CERT1: variants seen among roughly 807,000 people sequenced by gnomAD.
CERT1 encodes ceramide transfer protein.
Under a neutral mutation model 87.9 loss-of-function variants are expected in CERT1, and 31 were observed. That is an observed-to-expected ratio of 0.35 (90% CI 0.27 to 0.48). The LOEUF (loss-of-function observed/expected upper bound fraction) is 0.48. Ranked by LOEUF, CERT1 falls within the 20% of genes least tolerant of loss-of-function variation. The pLI, the probability that CERT1 is intolerant of heterozygous loss-of-function variation, is 0.99. For synonymous variants in CERT1, 289 were observed against 250.9 expected (o/e 1.15, Z -1.44); for missense variants, 487 against 758.0 (o/e 0.64, Z 4.20).
At chr5:75,493,390 A>C (rs537404689) in intron 2 of CERT1, among the ~76,000 whole-genome samples, 1 of 152,342 alleles carries the variant, frequency 6.6e-6, no homozygotes, top group African/African-American at 2.4e-5. Flanking sequence ...TGTTGAGACC[A>C]TATTTTAAAA....
chr5:75,488,739 C>A (rs1314366243), intron 2 of CERT1, among the ~76,000 whole-genome samples: 1 of 151,980 alleles, frequency 6.6e-6, no homozygotes, highest in Non-Finnish European at 1.5e-5. Context: ...ATGATTTGTT[C>A]CTTTTCCTTG....
chr5:75,492,798 G>C (rs1766859753), intron 2 of CERT1, among the ~76,000 whole-genome samples: 1 of 152,156 alleles, frequency 6.6e-6, no homozygotes, highest in South Asian at 2.1e-4. Context: ...AAAATGAGAT[G>C]ATACAAAACA....
chr5:75,499,458 G>C (rs1022491367), intron 2 of CERT1, among the ~76,000 whole-genome samples: 11 of 152,108 alleles, frequency 7.2e-5, no homozygotes, highest in South Asian at 2.1e-4. Flanking sequence ...GTCCCCCTTT[G>C]CCTGGTTTGC....
chr5:75,473,531 T>C (rs879885193), intron 2 of CERT1, among the ~76,000 whole-genome samples: 1 of 152,144 alleles, frequency 6.6e-6, no homozygotes, highest in African/African-American at 2.4e-5. Flanking sequence ...GTTGATCTCA[T>C]GGAAATAGAG....
chr5:75,437,781 A>G (rs111688877), intron 3 of CERT1, among the ~76,000 whole-genome samples: 10 of 150,488 alleles, frequency 6.6e-5, no homozygotes, highest in Admixed American at 2.0e-4. Flanking sequence ...AAAAAAAAAA[A>G]AAAAAGAAAA....
chr5:75,495,934 G>GA (rs547865150), intron 2 of CERT1, among the ~76,000 whole-genome samples: 199 of 147,938 alleles, frequency 1.3e-3, no homozygotes, highest in Non-Finnish European at 2.2e-3. Context: ...AAAATTAGCT[G>GA]AAAAAAAAAT....
intron 9 of CERT1, 61 bp downstream of exon 9, chr5:75,402,911 C>T (rs747930832): frequency 1.6e-5 from 16 of 976,754 alleles, no homozygotes; most frequent in South Asian, 1.6e-4. Flanking sequence ...ATAATATACA[C>T]CAAGGAATGC....
intron 2 of CERT1, among the ~76,000 whole-genome samples, chr5:75,500,307 G>C (rs1767289401): frequency 6.6e-6 from 1 of 151,936 alleles, no homozygotes; most frequent in African/African-American, 2.4e-5. Context: ...GGCAACCCTA[G>C]CAAATGAATA....
Position 75,414,446 on chromosome 5 carries a change from T to C in CERT1, c.837+2430A>G, listed in dbSNP as rs1371281035. ...AAAACAAAAATGCACAGCACAGCAA[T>C]AATATTAAAGACTTACAGGAAAGTG... On this transcript the variant is annotated intron_variant, in intron 7 of 16. Transcript: ENST00000643780. 4.6e-5 allele frequency among the ~76,000 whole-genome samples: 7 copies of C among 152,164 alleles called. No homozygotes were observed. In the East Asian group the frequency reaches 1.3e-3, roughly 29 times the overall value.
chr5:75,502,408 A>G (rs1415904571), intron 2 of CERT1, among the ~76,000 whole-genome samples: 3 of 152,182 alleles, frequency 2.0e-5, no homozygotes, highest in Non-Finnish European at 4.4e-5. Flanking sequence ...AACAAATTTT[A>G]AAGTACATAT....
chr5:75,375,170 T>A (rs1434605122), downstream of CERT1: 2 of 157,184 alleles, frequency 1.3e-5, no homozygotes, highest in African/African-American at 4.8e-5. Flanking sequence ...TAGCCTGCAA[T>A]AAAAATTATG....
chr5:75,468,788 T>A (rs1490683956), intron 2 of CERT1, among the ~76,000 whole-genome samples: 1 of 152,208 alleles, frequency 6.6e-6, no homozygotes, highest in Non-Finnish European at 1.5e-5. Flanking sequence ...CCAGATGACC[T>A]GCCCAGGATC....
chr5:75,500,558 A>T (rs1477352020), intron 2 of CERT1, among the ~76,000 whole-genome samples: 2 of 152,218 alleles, frequency 1.3e-5, no homozygotes, highest in Non-Finnish European at 2.9e-5. Flanking sequence ...AGTTTCTCAA[A>T]GCATAAATCT....
In CERT1 at chr5:75,393,602, T is replaced by TA. The variant is rs60898983; in HGVS notation, c.1189-3916dup. ...GCAACATAGCAAGACCTCATCTACT[T>TA]AAAAAAAAAAAAAAAAAAAAAGAAA... is the stretch of plus-strand genomic sequence containing the variant. On this transcript the variant is annotated intron_variant, in intron 11 of 16. Coordinates refer to ENST00000643780, the MANE Select transcript of CERT1 (RefSeq NM_001379029.1). 3.9e-3 allele frequency among the ~76,000 whole-genome samples: 128 copies of TA among 32,752 alleles called. 9 individuals carry two copies. Among genetic ancestry groups the TA allele is most frequent in the South Asian group, 9.1e-3 (4 of 438 alleles). The allele number at this position is 32,752 out of a possible 152,430, so 21.5% of individuals were successfully genotyped here.
intron 2 of CERT1, among the ~76,000 whole-genome samples, chr5:75,496,953 AT>A (rs1459952964): frequency 2.0e-5 from 3 of 152,202 alleles, no homozygotes; most frequent in African/African-American, 7.2e-5. Flanking sequence ...TCTCAATGTG[AT>A]TTTTTAAAAG....
intron 3 of CERT1, among the ~76,000 whole-genome samples, chr5:75,450,518 G>A (rs1040251026): frequency 2.6e-5 from 4 of 152,156 alleles, no homozygotes; most frequent in African/African-American, 7.2e-5. Flanking sequence ...ACTTCCTATA[G>A]AGAATAGAGA....
chr5:75,412,806 G>A (rs978342098), intron 7 of CERT1, among the ~76,000 whole-genome samples: 1 of 152,194 alleles, frequency 6.6e-6, no homozygotes, highest in Non-Finnish European at 1.5e-5. Context: ...GGGTGAGTGA[G>A]TGAGTGAGTA....
At chr5:75,400,097 A>T (rs1174479154) in intron 10 of CERT1, 108 bp downstream of exon 10, 6 of 796,898 alleles carry the variant, frequency 7.5e-6, no homozygotes, top group Non-Finnish European at 1.2e-5. Flanking sequence ...GCGCCACTGC[A>T]CTCCACTCTG....
chr5:75,391,172 G>A (rs1762017435), intron 11 of CERT1, among the ~76,000 whole-genome samples: 1 of 152,140 alleles, frequency 6.6e-6, no homozygotes, highest in Admixed American at 6.6e-5. Context: ...GCCCAGGCTG[G>A]TCTTGAACTC....
Sources: gnomAD v4.1 joint callset for allele counts (sites outside exome capture counted in the v4.1 genomes callset) on GRCh38, gnomAD v4.1.1 for gene constraint, MANE v1.5 for transcripts, NCBI Gene and HGNC (gene_info 2026-07-23, HGNC 2026-07-21) for gene names.